Variants in PIGB observed in about 807,000 individuals in gnomAD.
PIGB encodes the protein GPI alpha-1,2-mannosyltransferase 3.
In PIGB, 58 loss-of-function variants were observed where a neutral mutation model predicts 68.4. The ratio of observed to expected loss-of-function variants is 0.85; its 90% CI spans 0.69 to 1.06. The LOEUF (loss-of-function observed/expected upper bound fraction) is 1.06, where lower values mean the gene tolerates loss of function less well. PIGB is among the 50% of genes least tolerant of loss of function. PIGB has a pLI of 0.00. For missense variants in PIGB, 634 were observed against 655.8 expected, an observed-to-expected ratio of 0.97 and a Z score of 0.36; for synonymous variants, 219 against 220.5, an observed-to-expected ratio of 0.99 and a Z score of 0.06.
chr15:55,333,883 C>A lies in PIGB; in HGVS notation c.670C>A (p.Leu224Met). 1.9e-6 allele frequency: 3 copies of A among 1,603,170 alleles called. No homozygotes were observed. Among genetic ancestry groups the A allele is most frequent in the Non-Finnish European group, 2.6e-6 (3 of 1,175,376 alleles). Reference sequence around the variant, plus strand: ...CTCTTATAGTGTCAAATACTCATCCCTGGTGGCACTTGCCTTCATAATTCG... The same window carrying A: ...CTCTTATAGTGTCAAATACTCATCCATGGTGGCACTTGCCTTCATAATTCG... ...KSMNSVKYSS[L>M]VALAFIIRPT... Residue 224 changes from leucine to methionine, a missense_variant, in exon 6 of 12, where the codon CTG (leucine) becomes ATG (methionine). Coordinates refer to ENST00000164305, the MANE Select transcript of PIGB (RefSeq NM_004855.5).
chr15:55,323,379 T>C (rs543552131), intron 3 of PIGB, among the ~76,000 whole-genome samples: 1 of 152,144 alleles, frequency 6.6e-6, no homozygotes, highest in African/African-American at 2.4e-5. Context: ...TCTCAGCACT[T>C]TGGGAGGCTG....
At chr15:55,331,945 A>G (rs1267192433) in intron 5 of PIGB, among the ~76,000 whole-genome samples, 1 of 151,944 alleles carries the variant, frequency 6.6e-6, no homozygotes, top group Non-Finnish European at 1.5e-5. Flanking sequence ...TGACAATACC[A>G]TGGTTCAAAC....
chr15:55,339,082 A>G (rs2055603830), intron 6 of PIGB, among the ~76,000 whole-genome samples, 185 bp from the exon 7 acceptor site: 1 of 152,228 alleles, frequency 6.6e-6, no homozygotes, highest in Admixed American at 6.5e-5. Context: ...AATCGATTAT[A>G]TAATCTTATC....
At position 55,319,498 on chromosome 15, in the gene PIGB, G is replaced by A. The variant is rs545635656; in HGVS notation, c.163+85G>A. On this transcript the variant is annotated intron_variant, in intron 1 of 11. Transcript: ENST00000164305. ...TTTCATTACCAGCCAGTTGCCCGTT[G>A]AGCTCTGTGTTGCCAGATCTTGAGT... The A allele has an allele frequency of 5.6e-5, 58 of 1,032,360 alleles. No individual in the cohort carries two copies. The South Asian group carries it at 8.6e-4, about 15-fold the overall frequency. The allele number at this position is 1,032,360 out of a possible 1,614,324, so 63.9% of individuals were successfully genotyped here. A position where few individuals can be genotyped will look rare whatever the true frequency, so the allele number is the denominator to read the frequency against.
At chr15:55,339,436 T>C (rs2055612929) in intron 7 of PIGB, 118 bp downstream of exon 7, 1 of 649,318 alleles carries the variant, frequency 1.5e-6, no homozygotes, top group African/African-American at 1.9e-5. Context: ...CTTCTAGGCA[T>C]ATCCTAATAA....
chr15:55,345,708 G>A (rs60146363), intron 9 of PIGB, among the ~76,000 whole-genome samples: 128 of 152,196 alleles, frequency 8.4e-4, no homozygotes, highest in Non-Finnish European at 5.7e-4. Context: ...GCATTGAGCC[G>A]AGATCGGCAC....
At chr15:55,327,046 G>T (rs1302088517) in intron 3 of PIGB, among the ~76,000 whole-genome samples, 2 of 151,832 alleles carry the variant, frequency 1.3e-5, no homozygotes, top group East Asian at 3.9e-4. Flanking sequence ...CAGGAAAATT[G>T]CTTCACTCCT....
At chr15:55,321,731 C>G (rs1237385399) in intron 3 of PIGB, among the ~76,000 whole-genome samples, 1 of 142,688 alleles carries the variant, frequency 7.0e-6, no homozygotes, top group Admixed American at 7.2e-5. Flanking sequence ...TGGCTCACCA[C>G]AACCTCCACC....
At chr15:55,330,139 C>T (rs954036958) in intron 5 of PIGB, among the ~76,000 whole-genome samples, 1 of 152,188 alleles carries the variant, frequency 6.6e-6, no homozygotes, top group Non-Finnish European at 1.5e-5. Context: ...TCTGTATTAT[C>T]TCTAGGCCCC....
At chr15:55,354,747 A>G in intron 10 of PIGB, 51 bp from the exon 11 acceptor site, 1 of 1,432,778 alleles carries the variant, frequency 7.0e-7, no homozygotes, top group South Asian at 1.3e-5. Context: ...AAGACTAATG[A>G]AAACTTTCAT....
intron 5 of PIGB, among the ~76,000 whole-genome samples, chr15:55,332,132 G>A (rs1191706998): frequency 2.7e-5 from 4 of 150,680 alleles, no homozygotes; most frequent in Admixed American, 6.6e-5. Flanking sequence ...GCACCACCAC[G>A]CCCAGCTAAT....
intron 7 of PIGB, chr15:55,340,313 G>A (rs548727908): frequency 7.1e-5 from 12 of 169,792 alleles, no homozygotes; most frequent in African/African-American, 1.9e-4. Context: ...AAAATTAGCC[G>A]GGCGTGGTAG....
chr15:55,325,079 C>T (rs193155760), intron 3 of PIGB, among the ~76,000 whole-genome samples: 45 of 152,268 alleles, frequency 3.0e-4, no homozygotes, highest in African/African-American at 1.0e-3. Flanking sequence ...GTAATCCCAG[C>T]ACTTTGGGAG....
chr15:55,336,562 A>G (rs1046609731), intron 6 of PIGB, among the ~76,000 whole-genome samples: 5 of 152,250 alleles, frequency 3.3e-5, no homozygotes, highest in African/African-American at 9.6e-5. Flanking sequence ...ATATTTGAAT[A>G]TCTCATGTAA....
At chr15:55,342,517 G>A (rs757361735) in intron 9 of PIGB, among the ~76,000 whole-genome samples, 4 of 151,954 alleles carry the variant, frequency 2.6e-5, no homozygotes, top group Non-Finnish European at 5.9e-5. Flanking sequence ...TCAGCCTCCC[G>A]AGTAGCTGGG....
intron 9 of PIGB, chr15:55,349,991 C>T (rs924230112): frequency 6.6e-6 from 1 of 152,102 alleles, no homozygotes; most frequent in Non-Finnish European, 1.5e-5. Flanking sequence ...TCCTTTTATA[C>T]CCGTCTATTC....
intron 3 of PIGB, among the ~76,000 whole-genome samples, chr15:55,322,248 G>A (rs1433774665): frequency 1.3e-5 from 2 of 152,130 alleles, no homozygotes; most frequent in African/African-American, 2.4e-5. Flanking sequence ...AGAAGACCGT[G>A]TGATATGATT....
chr15:55,350,581 ATT>A (rs1015244405), intron 9 of PIGB, 116 bp from the exon 10 acceptor site: 21 of 700,256 alleles, frequency 3.0e-5, no homozygotes, highest in African/African-American at 2.8e-4. Context: ...CTTATTTCTT[ATT>A]TGTCTATAAC....
chr15:55,325,324 TCACA>T (rs955752415), intron 3 of PIGB, among the ~76,000 whole-genome samples: 1 of 151,678 alleles, frequency 6.6e-6, no homozygotes, highest in African/African-American at 2.4e-5. Flanking sequence ...AGACTCTGTC[TCACA>T]CACACACACA....
Sources: allele counts gnomAD v4.1 joint callset (sites outside exome capture counted in the v4.1 genomes callset), GRCh38; gene constraint gnomAD v4.1.1; transcripts MANE v1.5; gene names NCBI Gene and HGNC (gene_info 2026-07-23, HGNC 2026-07-21).